CASP4: variants seen among roughly 807,000 people sequenced by gnomAD.
The protein encoded by CASP4 is caspase 4.
A neutral mutation model predicts 41.3 loss-of-function variants in CASP4; 29 were observed. The ratio of observed to expected loss-of-function variants is 0.70; its 90% CI spans 0.52 to 0.96. CASP4 has a LOEUF of 0.96. CASP4 is among the 40% of genes least tolerant of loss of function. CASP4 has a pLI of 0.00. For missense variants in CASP4, 447 were observed against 460.6 expected (o/e 0.97, Z 0.27); for synonymous variants, 185 against 158.4 (o/e 1.17, Z -1.26).
At chr11:104,951,150 C>T (rs751125010) in intron 3 of CASP4, 52 bp from the exon 4 acceptor site, 1 of 1,508,368 alleles carries the variant, frequency 6.6e-7, no homozygotes, top group Non-Finnish European at 9.1e-7. Context: ...CTCCTTTCAG[C>T]CTCCTTATGC....
chr11:104,945,725 C>G (rs1473160959), intron 7 of CASP4, among the ~76,000 whole-genome samples: 3 of 152,162 alleles, frequency 2.0e-5, no homozygotes, highest in African/African-American at 7.2e-5. Flanking sequence ...GTCTAACTCC[C>G]ACTTATCCAA....
chr11:104,968,418 T>G, intron 1 of CASP4, 101 bp downstream of exon 1: 1 of 1,026,938 alleles, frequency 9.7e-7, no homozygotes, highest in South Asian at 1.3e-5. Flanking sequence ...ATTCAACATG[T>G]GTGCTATCGG....
chr11:104,954,062 T>A (rs1191201931), intron 2 of CASP4, among the ~76,000 whole-genome samples: 2 of 152,192 alleles, frequency 1.3e-5, no homozygotes. Context: ...ATTACTGTTA[T>A]TAATTGGTGA....
intron 2 of CASP4, among the ~76,000 whole-genome samples, chr11:104,953,819 G>A (rs535288428): frequency 3.3e-5 from 5 of 152,114 alleles, no homozygotes; most frequent in Admixed American, 1.3e-4. Context: ...TTAATAATAC[G>A]TAATTCAATC....
chr11:104,944,626 T>C (rs1860408239), intron 8 of CASP4, 122 bp downstream of exon 8: 1 of 642,310 alleles, frequency 1.6e-6, no homozygotes, highest in African/African-American at 1.8e-5. Flanking sequence ...ATCACCAGAC[T>C]ATATCAACAA....
rs755381826 is a variant in CASP4 at position 104,942,955 on chromosome 11, C to T, written c.*24G>A. Reference sequence around the variant, plus strand: ...GCTCCTTGAAGTTGATTAAGGAGGGCTGGGCTGCTTGTGGCTTCCTGCAGG... The same window carrying T: ...GCTCCTTGAAGTTGATTAAGGAGGGTTGGGCTGCTTGTGGCTTCCTGCAGG... On this transcript the variant is annotated 3_prime_UTR_variant, in exon 9 of 9. Coordinates refer to ENST00000444739, the MANE Select transcript of CASP4 (RefSeq NM_001225.4). 1 of 455,600 alleles carries T rather than the reference C, an allele frequency of 2.2e-6. No homozygotes were observed. Among genetic ancestry groups the T allele is most frequent in the South Asian group, 1.5e-5 (1 of 64,538 alleles). 28.2% of individuals were successfully genotyped at this position (455,600 alleles called of 1,614,324 possible).
chr11:104,950,824 C>CACACACT, intron 4 of CASP4, 101 bp downstream of exon 4: 1 of 393,248 alleles, frequency 2.5e-6, no homozygotes, highest in Non-Finnish European at 4.2e-6. Flanking sequence ...ACACACACAC[C>CACACACT]CAAAGGTTGT....
intron 1 of CASP4, chr11:104,956,710 C>A: frequency 1.1e-6 from 1 of 908,418 alleles, no homozygotes. Flanking sequence ...GAAGAGGTAG[C>A]AAAAATGTTA....
At chr11:104,946,498 T>C (rs1028499796) in intron 7 of CASP4, 3 of 152,104 alleles carry the variant, frequency 2.0e-5, no homozygotes, top group African/African-American at 4.8e-5. Context: ...AAAAATAACA[T>C]AGGAAGTAGT....
chr11:104,951,712 T>G, intron 3 of CASP4, 184 bp downstream of exon 3: 1 of 644,958 alleles, frequency 1.6e-6, no homozygotes. Flanking sequence ...ATGATCTGCA[T>G]CATGGATTGA....
At position 104,954,999 on chromosome 11, in the gene CASP4, C is replaced by CTTTT. The variant is rs555193787; in HGVS notation, c.9_10insAAAA (p.Gly4LysfsTer10). On this transcript the variant is annotated frameshift_variant and splice_region_variant, in exon 2 of 9. Transcript: ENST00000444739. LOFTEE classifies it high-confidence loss of function. Reference sequence around the variant, plus strand: ...TTAAGTGGCTTTTTTCTGTGGTTGCCTTCTGTTAGAAATAGAAAGATTCCT... The same window carrying CTTTT: ...TTAAGTGGCTTTTTTCTGTGGTTGCCTTTTTTCTGTTAGAAATAGAAAGATTCCT... 2.6e-3 allele frequency: 4,240 copies of CTTTT among 1,612,422 alleles called. 55 individuals are homozygous for CTTTT. Among genetic ancestry groups the CTTTT allele is most frequent in the Middle Eastern group, 4.1e-3 (25 of 6,048 alleles).
intron 1 of CASP4, among the ~76,000 whole-genome samples, chr11:104,958,778 TG>T (rs1565368547): frequency 6.6e-6 from 1 of 151,856 alleles, no homozygotes; most frequent in Non-Finnish European, 1.5e-5. Flanking sequence ...CTGGACAACA[TG>T]GTAAAACCCT....
At chr11:104,957,678 A>G (rs1860766528) in intron 1 of CASP4, among the ~76,000 whole-genome samples, 1 of 152,180 alleles carries the variant, frequency 6.6e-6, no homozygotes, top group Admixed American at 6.6e-5. Flanking sequence ...TGGACTGGAA[A>G]ATTACTATTA....
intron 7 of CASP4, among the ~76,000 whole-genome samples, chr11:104,945,814 TCTC>T (rs760411823): frequency 1.3e-5 from 2 of 151,970 alleles, no homozygotes; most frequent in Non-Finnish European, 2.9e-5. Context: ...TCCTCCTCCT[TCTC>T]CTCCTCCTTC....
intron 4 of CASP4, 118 bp downstream of exon 4, chr11:104,950,797 TACACACACAC>T (rs34213327): frequency 1.1e-5 from 5 of 464,996 alleles, no homozygotes; most frequent in Non-Finnish European, 1.9e-5. Flanking sequence ...TTATTTTGTA[TACACACACAC>T]ACACACACAC....
intron 5 of CASP4, chr11:104,949,148 G>GA: frequency 3.5e-6 from 1 of 282,030 alleles, no homozygotes; most frequent in East Asian, 8.3e-5. Context: ...ATAATTATAA[G>GA]AAAAAGGGAT....
At chr11:104,954,538 G>A (rs1860688421) in intron 2 of CASP4, among the ~76,000 whole-genome samples, 1 of 152,114 alleles carries the variant, frequency 6.6e-6, no homozygotes, top group Non-Finnish European at 1.5e-5. Flanking sequence ...TACACAGTCT[G>A]AACACAAGGA....
At chr11:104,968,393 T>G (rs1054687437) in intron 1 of CASP4, 126 bp downstream of exon 1, 1 of 844,930 alleles carries the variant, frequency 1.2e-6, no homozygotes, top group African/African-American at 1.7e-5. Flanking sequence ...CTACACACAA[T>G]CAGTAAGAAA....
At chr11:104,950,467 A>C (rs1382607280) in intron 4 of CASP4, among the ~76,000 whole-genome samples, 5 of 151,906 alleles carry the variant, frequency 3.3e-5, no homozygotes, top group Non-Finnish European at 7.4e-5. Context: ...CTTTTTTCTT[A>C]CAATTTCACT....
Sources: gnomAD v4.1 joint callset for allele counts (sites outside exome capture counted in the v4.1 genomes callset) on GRCh38, gnomAD v4.1.1 for gene constraint, MANE v1.5 for transcripts, NCBI Gene and HGNC (gene_info 2026-07-23, HGNC 2026-07-21) for gene names.